Variants in GRIP1 observed in about 807,000 individuals in gnomAD.
The protein encoded by GRIP1 is glutamate receptor interacting protein 1.
GRIP1 carries 45 observed loss-of-function variants against 129.9 expected under a neutral mutation model. The ratio of observed to expected loss-of-function variants is 0.35; its 90% CI spans 0.27 to 0.44. The LOEUF (loss-of-function observed/expected upper bound fraction) is 0.44, where lower values mean the gene tolerates loss of function less well. Among genes scored for constraint, GRIP1 ranks in the 20% least tolerant of loss-of-function variants. The pLI is 1.00. For synonymous variants in GRIP1, 530 were observed against 520.8 expected (o/e 1.02, Z -0.24); for missense variants, 1,196 against 1,396.8 (o/e 0.86, Z 2.29).
At chr12:66,475,117 T>C (rs2059565368) in intron 7 of GRIP1, among the ~76,000 whole-genome samples, 1 of 151,682 alleles carries the variant, frequency 6.6e-6, no homozygotes, top group South Asian at 2.1e-4. Flanking sequence ...AGGATCAAAA[T>C]AAAGGGATGG....
intron 1 of GRIP1, among the ~76,000 whole-genome samples, chr12:66,920,874 A>T (rs777343332): frequency 5.9e-5 from 9 of 152,198 alleles, no homozygotes; most frequent in Non-Finnish European, 1.2e-4. Context: ...CAATCATGTG[A>T]TCCGTTCATC....
intron 1 of GRIP1, among the ~76,000 whole-genome samples, chr12:66,960,472 CT>C (rs201844972): frequency 0.019 from 2,923 of 152,026 alleles, 38 homozygotes; most frequent in Middle Eastern, 0.058. Flanking sequence ...AGCATTTGGA[CT>C]TTTTTTTAGC....
At chr12:66,392,547 T>A in intron 18 of GRIP1, 45 bp from the exon 19 acceptor site, 1 of 1,594,834 alleles carries the variant, frequency 6.3e-7, no homozygotes, top group Non-Finnish European at 8.6e-7. Flanking sequence ...TAAATTTAAA[T>A]AAAAATATAC....
At chr12:66,789,313 G>A (rs2038454180) in intron 1 of GRIP1, among the ~76,000 whole-genome samples, 1 of 152,124 alleles carries the variant, frequency 6.6e-6, no homozygotes, top group African/African-American at 2.4e-5. Context: ...AATCCCATAA[G>A]ATTTGGAAAT....
chr12:66,924,965 G>A (rs557947086), intron 1 of GRIP1, among the ~76,000 whole-genome samples: 13 of 152,120 alleles, frequency 8.5e-5, no homozygotes, highest in Admixed American at 3.9e-4. Flanking sequence ...GCGAGACTCC[G>A]TCTCAAAAAA....
rs1024099527 is a variant in GRIP1 at position 67,007,121 on chromosome 12, A to G, written c.58+61929T>C. Among the ~76,000 whole-genome samples, 36 of 152,232 alleles carry G rather than the reference A, an allele frequency of 2.4e-4. 1 individual carries two copies. Among genetic ancestry groups the G allele is most frequent in the Non-Finnish European group, 1.5e-5 (1 of 68,050 alleles). ...GCCAGTCTAAATGCTAACAACTTTCACTAGAGAGGAGAGCACAGTGGTGAT... is the reference window on the plus strand; with the variant it reads ...GCCAGTCTAAATGCTAACAACTTTCGCTAGAGAGGAGAGCACAGTGGTGAT... On this transcript the variant is annotated intron_variant, in intron 1 of 1. Transcript: ENST00000643019.
At chr12:66,638,741 TTCTC>T (rs373118943) in intron 1 of GRIP1, among the ~76,000 whole-genome samples, 2,116 of 151,984 alleles carry the variant, frequency 0.014, 34 homozygotes, top group Non-Finnish European at 0.019. Flanking sequence ...TGGGATCTCA[TTCTC>T]TCTCTCTCTC....
intron 9 of GRIP1, among the ~76,000 whole-genome samples, chr12:66,457,700 C>T (rs2059007889): frequency 6.6e-6 from 1 of 152,272 alleles, no homozygotes; most frequent in South Asian, 2.1e-4. Flanking sequence ...AACTGTGATG[C>T]CAGCTGAATT....
intron 7 of GRIP1, among the ~76,000 whole-genome samples, chr12:66,507,802 G>C (rs1643880488): frequency 6.6e-6 from 1 of 151,114 alleles, no homozygotes; most frequent in South Asian, 2.1e-4. Flanking sequence ...GAGGGATCTT[G>C]CTCTTCCACC....
At chr12:66,390,035 C>T (rs998992503) in intron 19 of GRIP1, among the ~76,000 whole-genome samples, 1 of 152,130 alleles carries the variant, frequency 6.6e-6, no homozygotes, top group African/African-American at 2.4e-5. Flanking sequence ...ATAGCCGGGA[C>T]TATTAGGCAT....
chr12:66,631,043 C>G (rs1341930691), intron 1 of GRIP1, among the ~76,000 whole-genome samples: 1 of 152,112 alleles, frequency 6.6e-6, no homozygotes, highest in South Asian at 2.1e-4. Context: ...TCAAACGATT[C>G]TCCTGCCTCA....
At chr12:66,816,158 G>A (rs2039215379) in intron 1 of GRIP1, among the ~76,000 whole-genome samples, 2 of 152,110 alleles carry the variant, frequency 1.3e-5, no homozygotes, top group Non-Finnish European at 2.9e-5. Flanking sequence ...TACTGAATTG[G>A]AAGAAGGGAA....
intron 1 of GRIP1, among the ~76,000 whole-genome samples, chr12:66,693,917 G>C (rs2035064732): frequency 6.6e-6 from 1 of 152,084 alleles, no homozygotes; most frequent in South Asian, 2.1e-4. Context: ...ACTCAAATTT[G>C]GCATCTTTAT....
At chr12:67,056,321 G>T (rs370406375) in intron 1 of GRIP1, among the ~76,000 whole-genome samples, 28 of 152,298 alleles carry the variant, frequency 1.8e-4, no homozygotes, top group East Asian at 9.6e-4. Context: ...AAAAACTGGG[G>T]CTTAAAATCA....
intron 1 of GRIP1, among the ~76,000 whole-genome samples, chr12:67,059,242 A>G (rs889962333): frequency 1.3e-5 from 2 of 152,208 alleles, no homozygotes; most frequent in Non-Finnish European, 2.9e-5. Context: ...TGCTGATAGG[A>G]CAAGTACCTA....
At chr12:66,355,359 A>G (rs1565659301) in intron 23 of GRIP1, among the ~76,000 whole-genome samples, 1 of 152,240 alleles carries the variant, frequency 6.6e-6, no homozygotes, top group Non-Finnish European at 1.5e-5. Flanking sequence ...AGGACAGCCC[A>G]GTGAAGAAAT....
At chr12:66,833,729 C>T (rs1384217463) in intron 1 of GRIP1, among the ~76,000 whole-genome samples, 1 of 151,882 alleles carries the variant, frequency 6.6e-6, no homozygotes, top group African/African-American at 2.4e-5. Context: ...TGTGTGTAGC[C>T]AAGTAAAACA....
intron 7 of GRIP1, among the ~76,000 whole-genome samples, chr12:66,507,530 C>A (rs2060567723): frequency 6.6e-6 from 1 of 151,994 alleles, no homozygotes; most frequent in Admixed American, 6.5e-5. Context: ...GATATCCCCC[C>A]AAAATAAAAT....
intron 2 of GRIP1, among the ~76,000 whole-genome samples, chr12:66,583,077 G>A (rs1479294616): frequency 6.6e-6 from 1 of 151,660 alleles, no homozygotes; most frequent in African/African-American, 2.4e-5. Context: ...CAATGGAACA[G>A]AACAGAGCCC....
Sources: gnomAD v4.1 joint callset for allele counts (sites outside exome capture counted in the v4.1 genomes callset) on GRCh38, gnomAD v4.1.1 for gene constraint, MANE v1.5 for transcripts, NCBI Gene and HGNC (gene_info 2026-07-23, HGNC 2026-07-21) for gene names.